Variants in ALG14 observed in about 807,000 individuals in gnomAD.
ALG14 encodes ALG14 UDP-N-acetylglucosaminyltransferase subunit, also known as UDP-N-acetylglucosamine transferase subunit ALG14.
A neutral mutation model predicts 22.8 loss-of-function variants in ALG14; 17 were observed. The ratio of observed to expected loss-of-function variants is 0.75; its 90% CI spans 0.51 to 1.12. The LOEUF (loss-of-function observed/expected upper bound fraction) is 1.12. Ranked by LOEUF, ALG14 falls within the 50% of genes most tolerant of loss-of-function variation. The pLI is 0.00. For synonymous variants in ALG14, 89 were observed against 103.7 expected (o/e 0.86, Z 0.86); for missense variants, 288 against 271.8 (o/e 1.06, Z -0.42).
intron 2 of ALG14, among the ~76,000 whole-genome samples, chr1:95,059,983 G>A (rs1011322387): frequency 1.3e-5 from 2 of 151,910 alleles, no homozygotes; most frequent in African/African-American, 4.8e-5. Context: ...TGAGCTCCAT[G>A]GAAGGTACAA....
intron 2 of ALG14, among the ~76,000 whole-genome samples, chr1:95,038,963 C>T (rs1440142746): frequency 1.3e-5 from 2 of 152,198 alleles, no homozygotes; most frequent in Non-Finnish European, 2.9e-5. Flanking sequence ...TTCAAATGAT[C>T]TTCCCACCTT....
rs376320801 is a variant in ALG14 at position 94,983,315 on chromosome 1, A to C, written c.421-9T>G. Reference sequence around the variant, plus strand: ...GGTCCGTTACACAACACCTGAAAGAAAAAGTTGAAGGTCAAATGAAAATAC... The same window carrying C: ...GGTCCGTTACACAACACCTGAAAGACAAAGTTGAAGGTCAAATGAAAATAC... On this transcript the variant is annotated splice_polypyrimidine_tract_variant and intron_variant, in intron 3 of 3. Transcript: ENST00000370205. 1.9e-6 allele frequency: 3 copies of C among 1,610,274 alleles called. No homozygotes were observed. In the African/African-American group the frequency reaches 4.0e-5, roughly 22 times the overall value.
chr1:95,071,410 G>A (rs1214702907), intron 1 of ALG14, among the ~76,000 whole-genome samples: 4 of 151,956 alleles, frequency 2.6e-5, no homozygotes, highest in Non-Finnish European at 5.9e-5. Flanking sequence ...GCTGAGTGTG[G>A]TGGTGCGCCT....
chr1:95,071,993 T>G (rs1194542836), intron 1 of ALG14, among the ~76,000 whole-genome samples: 2 of 152,248 alleles, frequency 1.3e-5, no homozygotes, highest in Non-Finnish European at 2.9e-5. Flanking sequence ...GCAAGTAATG[T>G]TAGTCAGTTT....
chr1:95,061,483 G>A (rs1675145863), intron 2 of ALG14: 1 of 149,782 alleles, frequency 6.7e-6, no homozygotes, highest in South Asian at 2.1e-4. Flanking sequence ...ACAGCCTTGA[G>A]AGAGAGAGAG....
intron 3 of ALG14, among the ~76,000 whole-genome samples, chr1:95,008,475 T>A (rs1335514137): frequency 6.6e-6 from 1 of 152,162 alleles, no homozygotes; most frequent in African/African-American, 2.4e-5. Flanking sequence ...AGATGAAACT[T>A]TTTCAAATTT....
chr1:94,976,345 T>G lies in ALG14; in HGVS notation c.*6731A>C, dbSNP rs1230444887. 1 of 152,156 alleles carries G rather than the reference T, an allele frequency of 6.6e-6. No homozygotes were observed. The highest frequency in any genetic ancestry group is 1.9e-4 in the East Asian group (1 of 5,184). 9.4% of individuals were successfully genotyped at this position (152,156 alleles called of 1,614,324 possible). On this transcript the variant is annotated 3_prime_UTR_variant, in exon 4 of 4. Coordinates refer to ENST00000370205, the MANE Select transcript of ALG14 (RefSeq NM_144988.4). ...CCCAAGTGAAAGGTTATTATTATTA[T>G]TTTTTCAAAACAAAACAAAAAACAT...
chr1:95,023,102 C>T (rs1027470082), intron 3 of ALG14, among the ~76,000 whole-genome samples: 1 of 152,100 alleles, frequency 6.6e-6, no homozygotes, highest in Non-Finnish European at 1.5e-5. Context: ...CAGTATCCTA[C>T]TTATAGATAA....
chr1:95,018,041 T>C (rs1028536320), intron 3 of ALG14, among the ~76,000 whole-genome samples: 1 of 152,114 alleles, frequency 6.6e-6, no homozygotes, highest in Non-Finnish European at 1.5e-5. Flanking sequence ...AGCTAACTGA[T>C]TAGCTTTGAG....
chr1:94,987,447 G>A (rs956799546), intron 3 of ALG14, among the ~76,000 whole-genome samples: 8 of 152,110 alleles, frequency 5.3e-5, no homozygotes, highest in African/African-American at 1.7e-4. Flanking sequence ...TCTAAAAGCA[G>A]GAAGTCTAAG....
chr1:95,031,054 T>G (rs1571626632), intron 2 of ALG14, among the ~76,000 whole-genome samples: 1 of 152,178 alleles, frequency 6.6e-6, no homozygotes, highest in Admixed American at 6.5e-5. Flanking sequence ...GAGGGGAGTC[T>G]TGGTTCCATT....
At chr1:94,997,161 C>G (rs1302092274) in intron 3 of ALG14, among the ~76,000 whole-genome samples, 1 of 152,194 alleles carries the variant, frequency 6.6e-6, no homozygotes, top group Non-Finnish European at 1.5e-5. Context: ...TCCATCCCTG[C>G]TAAAAGGGCA....
chr1:95,050,888 C>T (rs1182521279), intron 2 of ALG14, among the ~76,000 whole-genome samples: 9 of 132,076 alleles, frequency 6.8e-5, no homozygotes, highest in Non-Finnish European at 1.1e-4. Flanking sequence ...TTTTTGGAGA[C>T]GGGGTCTCAC....
chr1:95,001,133 G>C (rs577287155), intron 3 of ALG14, among the ~76,000 whole-genome samples: 83 of 152,306 alleles, frequency 5.4e-4, no homozygotes, highest in Admixed American at 2.1e-3. Context: ...GTGGAGGGAA[G>C]GGAATTTCCA....
chr1:95,040,504 T>C (rs1399261523), intron 2 of ALG14, among the ~76,000 whole-genome samples: 2 of 152,174 alleles, frequency 1.3e-5, no homozygotes, highest in African/African-American at 4.8e-5. Flanking sequence ...CCTGGCCACA[T>C]GCAGAGCTTA....
chr1:95,040,751 T>C (rs1674353927), intron 2 of ALG14, among the ~76,000 whole-genome samples: 1 of 152,216 alleles, frequency 6.6e-6, no homozygotes, highest in Non-Finnish European at 1.5e-5. Context: ...GTGATTAGAA[T>C]GCCATAAATT....
chr1:95,025,292 G>T (rs960612832), intron 3 of ALG14, among the ~76,000 whole-genome samples: 8 of 152,148 alleles, frequency 5.3e-5, no homozygotes, highest in Non-Finnish European at 1.2e-4. Context: ...TGAGTAGTAG[G>T]TCTCAACAGT....
intron 2 of ALG14, among the ~76,000 whole-genome samples, chr1:95,063,225 T>G (rs1156570335): frequency 6.6e-6 from 1 of 152,226 alleles, no homozygotes; most frequent in African/African-American, 2.4e-5. Context: ...TTGCAAAAAT[T>G]TTCTCCAATC....
chr1:95,043,743 G>T (rs1458322705), intron 2 of ALG14, among the ~76,000 whole-genome samples: 1 of 151,638 alleles, frequency 6.6e-6, no homozygotes, highest in Non-Finnish European at 1.5e-5. Context: ...GAGAGGAGAA[G>T]GAAAAGAAGT....
Sources: allele counts gnomAD v4.1 joint callset (sites outside exome capture counted in the v4.1 genomes callset), GRCh38; gene constraint gnomAD v4.1.1; transcripts MANE v1.5; gene names NCBI Gene and HGNC (gene_info 2026-07-23, HGNC 2026-07-21).